The following ASB9 variants were observed in gnomAD, a reference collection of about 807,000 sequenced individuals.
ASB9 encodes the protein ankyrin repeat and SOCS box containing 9.
Under a neutral mutation model 16.6 loss-of-function variants are expected in ASB9, and 5 were observed. That is an observed-to-expected ratio of 0.30 (90% confidence interval 0.16 to 0.63). The LOEUF is 0.63. Among genes scored for constraint, ASB9 ranks in the 30% least tolerant of loss-of-function variants. ASB9 has a pLI of 0.82. For missense variants in ASB9, 216 were observed against 229.4 expected (o/e 0.94, Z 0.38); for synonymous variants, 100 against 86.4 (o/e 1.16, Z -0.87).
In ASB9 at chrX:15,252,477, G is replaced by A. The variant is rs1174182497; in HGVS notation, c.283-73C>T. The A allele has an allele frequency of 1.8e-5, 18 of 978,828 alleles. No homozygotes were observed. The East Asian group carries it at 5.8e-4, about 32-fold the overall frequency. 80.7% of individuals were successfully genotyped at this position (978,828 alleles called of 1,213,427 possible). On this transcript the variant is annotated intron_variant, in intron 3 of 6. Coordinates refer to ENST00000380488, the MANE Select transcript of ASB9 (RefSeq NM_001031739.3). ...GTTCAAATGTGGGGTCCACCACTCTGAAGATGTTATTTAACATCTCTGAGC... is the reference window on the plus strand; with the variant it reads ...GTTCAAATGTGGGGTCCACCACTCTAAAGATGTTATTTAACATCTCTGAGC...
At chrX:15,268,633 CCAGGATGGT>C (rs1489090011) in intron 1 of ASB9, among the ~76,000 whole-genome samples, 1 of 106,616 alleles carries the variant, frequency 9.4e-6, no homozygotes, top group African/African-American at 3.4e-5. Flanking sequence ...ATCATGTTGG[CCAGGATGGT>C]ATCCTGACAT....
chrX:15,244,782 G>A (rs1414391670), intron 6 of ASB9, 152 bp from the exon 7 acceptor site: 2 of 516,480 alleles, frequency 3.9e-6, no homozygotes, highest in East Asian at 4.3e-5. Flanking sequence ...TTTGTAGAAG[G>A]CATTTTTAGG....
At chrX:15,266,948 A>G (rs1471100887) in intron 1 of ASB9, among the ~76,000 whole-genome samples, 6 of 109,912 alleles carry the variant, frequency 5.5e-5, no homozygotes, top group Non-Finnish European at 7.6e-5. Context: ...AAAAAAAAAA[A>G]AAAAAGAAAA....
chrX:15,263,498 T>C (rs1461319661), intron 1 of ASB9, among the ~76,000 whole-genome samples: 2 of 111,261 alleles, frequency 1.8e-5, no homozygotes, highest in Non-Finnish European at 3.8e-5. Context: ...GCCTGTCCAC[T>C]GCAGTTCTTT....
intron 1 of ASB9, among the ~76,000 whole-genome samples, chrX:15,264,538 C>T (rs1926234039): frequency 9.0e-6 from 1 of 111,298 alleles, no homozygotes; most frequent in Admixed American, 9.6e-5. Flanking sequence ...TCCCTCCCTA[C>T]CCCCAGGGAA....
intron 1 of ASB9, among the ~76,000 whole-genome samples, chrX:15,263,675 T>C (rs759402827): frequency 9.0e-6 from 1 of 110,607 alleles, no homozygotes; most frequent in African/African-American, 3.3e-5. Context: ...ACAGGCAGGT[T>C]TTCCCCCAGA....
intron 2 of ASB9, among the ~76,000 whole-genome samples, chrX:15,256,061 C>T (rs965209610): frequency 1.8e-4 from 20 of 111,222 alleles, no homozygotes; most frequent in Middle Eastern, 4.6e-3. Context: ...CCTACAGAGT[C>T]AAATCTAGCC....
At chrX:15,269,629 G>A (rs778070094) in intron 1 of ASB9, 152 bp downstream of exon 1, 5 of 338,118 alleles carry the variant, frequency 1.5e-5, no homozygotes, top group East Asian at 9.3e-5. Context: ...TTGAACAGCT[G>A]TGTAAAGAAT....
chrX:15,257,990 C>G, intron 2 of ASB9, among the ~76,000 whole-genome samples: 1 of 112,040 alleles, frequency 8.9e-6, no homozygotes, highest in Non-Finnish European at 1.9e-5. Context: ...CAGGGCTACA[C>G]CCAACCCACA....
At chrX:15,270,409 A>T (rs1926886028), upstream of ASB9, 1 of 112,652 alleles carries the variant, frequency 8.9e-6, no homozygotes, top group South Asian at 3.7e-4. Context: ...CTGGTTTTGC[A>T]GCAGCCCTGC....
intron 6 of ASB9, among the ~76,000 whole-genome samples, chrX:15,246,863 T>C (rs951325266): frequency 9.0e-6 from 1 of 111,680 alleles, no homozygotes; most frequent in African/African-American, 3.3e-5. Flanking sequence ...CAGTCATTTC[T>C]AGGTTTTAAT....
At chrX:15,248,115 C>T (rs1309030306) in intron 6 of ASB9, among the ~76,000 whole-genome samples, 2 of 111,915 alleles carry the variant, frequency 1.8e-5, no homozygotes, top group Non-Finnish European at 3.8e-5. Flanking sequence ...AGAGGTGGCT[C>T]CCCAACTTGA....
chrX:15,262,947 C>G (rs1413296333), intron 1 of ASB9, among the ~76,000 whole-genome samples: 1 of 112,473 alleles, frequency 8.9e-6, no homozygotes, highest in Non-Finnish European at 1.9e-5. Flanking sequence ...TAACATTTTT[C>G]TAACATTCAG....
Position 15,244,378 on chromosome X carries a change from A to G in ASB9, c.*128T>C. The G allele has an allele frequency of 2.4e-6, 2 of 833,310 alleles. No individual in the cohort carries two copies. The highest frequency in any genetic ancestry group is 4.4e-4 in the Middle Eastern group (1 of 2,282). 68.7% of individuals were successfully genotyped at this position (833,310 alleles called of 1,213,427 possible). Reference sequence around the variant, plus strand: ...TTAGTCAAACTCCATAAACAAGTTTATAACAAATACAAATCTAATCGAAAA... The same window carrying G: ...TTAGTCAAACTCCATAAACAAGTTTGTAACAAATACAAATCTAATCGAAAA... On this transcript the variant is annotated 3_prime_UTR_variant, in exon 7 of 7. Transcript: ENST00000380488.
At chrX:15,257,412 T>A (rs184165315) in intron 2 of ASB9, among the ~76,000 whole-genome samples, 1,162 of 109,206 alleles carry the variant, frequency 0.011, 19 homozygotes, top group African/African-American at 0.035. Flanking sequence ...CTCAAAAAAA[T>A]AATAATAATA....
intron 3 of ASB9, among the ~76,000 whole-genome samples, chrX:15,252,971 C>T (rs1364402118): frequency 1.8e-5 from 2 of 112,505 alleles, no homozygotes; most frequent in Non-Finnish European, 3.8e-5. Context: ...CAGTGGCTCA[C>T]GCCTATAATC....
At chrX:15,245,574 C>T (rs549894218) in intron 6 of ASB9, among the ~76,000 whole-genome samples, 292 of 111,729 alleles carry the variant, frequency 2.6e-3, no homozygotes, top group African/African-American at 9.0e-3. Flanking sequence ...TCCATAAAGC[C>T]GTAGCCCTCA....
chrX:15,247,576 G>T (rs1924772808), intron 6 of ASB9, among the ~76,000 whole-genome samples: 1 of 112,432 alleles, frequency 8.9e-6, no homozygotes, highest in African/African-American at 3.2e-5. Flanking sequence ...AACTGTGTTG[G>T]TATAAAGATG....
In ASB9 at chrX:15,247,163, T is replaced by C. The variant is rs141962289; in HGVS notation, c.760+1581A>G. ...GCTGTGAGCAATCCACAGGTCTAGT[T>C]TTCTGCACTTTCCTGACCCCATTTC... On this transcript the variant is annotated intron_variant, in intron 6 of 6. Coordinates refer to ENST00000380488, the MANE Select transcript of ASB9 (RefSeq NM_001031739.3). 3.5e-3 allele frequency among the ~76,000 whole-genome samples: 390 copies of C among 111,134 alleles called. 3 individuals are homozygous for C. The highest frequency in any genetic ancestry group is 0.012 in the African/African-American group (381 of 30,531).
Sources: gnomAD v4.1 joint callset for allele counts (sites outside exome capture counted in the v4.1 genomes callset) on GRCh38, gnomAD v4.1.1 for gene constraint, MANE v1.5 for transcripts, NCBI Gene and HGNC (gene_info 2026-07-23, HGNC 2026-07-21) for gene names.